XYLT1: variants seen among roughly 807,000 people sequenced by gnomAD.
XYLT1 encodes the protein beta-D-xylosyltransferase 1.
In XYLT1, 36 loss-of-function variants were observed where a neutral mutation model predicts 91.3. The observed-to-expected ratio is 0.39, with a 90% CI of 0.30 to 0.52. XYLT1 has a LOEUF of 0.52. Among genes scored for constraint, XYLT1 ranks in the 20% least tolerant of loss-of-function variants. The pLI, the probability that XYLT1 is intolerant of heterozygous loss-of-function variation, is 0.68. For synonymous variants in XYLT1, 588 were observed against 532.0 expected (o/e 1.11, Z -1.45); for missense variants, 1,242 against 1,284.5 (o/e 0.97, Z 0.51).
At chr16:17,169,701 C>A (rs956448390) in intron 5 of XYLT1, among the ~76,000 whole-genome samples, 1 of 152,090 alleles carries the variant, frequency 6.6e-6, no homozygotes, top group East Asian at 1.9e-4. Context: ...TGTGTGTGCA[C>A]ATATGTATAT....
chr16:17,278,943 A>C (rs796864831), intron 2 of XYLT1, among the ~76,000 whole-genome samples: 7 of 152,220 alleles, frequency 4.6e-5, no homozygotes, highest in African/African-American at 1.7e-4. Flanking sequence ...GACTGTGAAC[A>C]TTTCCTTCCT....
At chr16:17,207,094 G>A (rs1428924844) in intron 3 of XYLT1, among the ~76,000 whole-genome samples, 1 of 104,710 alleles carries the variant, frequency 9.6e-6, no homozygotes, top group Admixed American at 1.4e-4. Context: ...TTTCACTCTT[G>A]TCACCTAGGC....
intron 2 of XYLT1, among the ~76,000 whole-genome samples, chr16:17,279,975 CCT>C (rs1346998032): frequency 6.6e-6 from 1 of 152,166 alleles, no homozygotes; most frequent in Non-Finnish European, 1.5e-5. Flanking sequence ...TCTTTCTGTC[CCT>C]CTGTTTGTCC....
At chr16:17,170,122 G>T (rs1484932254) in intron 5 of XYLT1, among the ~76,000 whole-genome samples, 1 of 152,168 alleles carries the variant, frequency 6.6e-6, no homozygotes, top group African/African-American at 2.4e-5. Context: ...TTGTGGGTAT[G>T]GTACATGCAG....
chr16:17,112,770 G>A (rs11647237), intron 11 of XYLT1, among the ~76,000 whole-genome samples: 40,288 of 152,058 alleles, frequency 0.26, 5,957 homozygotes, highest in African/African-American at 0.35. Context: ...TGAGGTCTCT[G>A]TCTTTCTGCT....
At chr16:17,272,153 G>GTT (rs35561235) in intron 2 of XYLT1, among the ~76,000 whole-genome samples, 62 of 80,318 alleles carry the variant, frequency 7.7e-4, no homozygotes, top group African/African-American at 9.7e-4. Flanking sequence ...TTTGTTGTTG[G>GTT]TTTTTTTTTT....
At chr16:17,182,660 G>C (rs1250656108) in intron 5 of XYLT1, among the ~76,000 whole-genome samples, 1 of 131,290 alleles carries the variant, frequency 7.6e-6, no homozygotes, top group South Asian at 2.7e-4. Flanking sequence ...AGTTTGCTTT[G>C]ATTTTGCTTT....
At chr16:17,245,584 G>A (rs533695538) in intron 3 of XYLT1, among the ~76,000 whole-genome samples, 114 of 152,220 alleles carry the variant, frequency 7.5e-4, no homozygotes, top group African/African-American at 2.5e-3. Flanking sequence ...TTACCAGAGG[G>A]TTCTATACAC....
At chr16:17,310,175 T>C (rs2034525557) in intron 2 of XYLT1, among the ~76,000 whole-genome samples, 1 of 152,200 alleles carries the variant, frequency 6.6e-6, no homozygotes, top group African/African-American at 2.4e-5. Context: ...TTCACTTCCC[T>C]CCAGCCCTAC....
At chr16:17,246,457 G>C (rs545927921) in intron 3 of XYLT1, among the ~76,000 whole-genome samples, 137 of 152,138 alleles carry the variant, frequency 9.0e-4, no homozygotes, top group Non-Finnish European at 1.3e-3. Flanking sequence ...AACACATCTG[G>C]TTCCACATTT....
intron 1 of XYLT1, among the ~76,000 whole-genome samples, chr16:17,447,875 AC>A (rs1445035484): frequency 1.3e-5 from 2 of 152,156 alleles, no homozygotes; most frequent in African/African-American, 2.4e-5. Context: ...CATTTAAAAA[AC>A]ACCCAGTACC....
chr16:17,148,901 A>G lies in XYLT1; in HGVS notation c.1371-7532T>C, dbSNP rs191717245. 5.8e-3 allele frequency among the ~76,000 whole-genome samples: 885 copies of G among 152,344 alleles called. 8 individuals are homozygous for G. The highest frequency in any genetic ancestry group is 0.019 in the African/African-American group (801 of 41,580). On this transcript the variant is annotated intron_variant, in intron 6 of 11. Transcript: ENST00000261381. ...AATCTTTCTGCCAGACCTCTGGAAG[A>G]TATCTGTCTTCTACCTGAGGTCAAA...
chr16:17,415,024 A>G (rs1173349200), intron 1 of XYLT1, among the ~76,000 whole-genome samples: 9 of 152,120 alleles, frequency 5.9e-5, no homozygotes, highest in African/African-American at 2.2e-4. Context: ...TGTCTGACAC[A>G]CAGCACCCAC....
chr16:17,144,618 T>G (rs1438914452), intron 6 of XYLT1, among the ~76,000 whole-genome samples: 1 of 152,098 alleles, frequency 6.6e-6, no homozygotes, highest in Non-Finnish European at 1.5e-5. Context: ...AGCAGACCAG[T>G]TTGGCTTAAT....
intron 2 of XYLT1, among the ~76,000 whole-genome samples, chr16:17,304,902 T>C (rs2034449329): frequency 6.6e-6 from 1 of 152,214 alleles, no homozygotes; most frequent in Non-Finnish European, 1.5e-5. Flanking sequence ...CTATGACATT[T>C]CAATGCTAAG....
intron 8 of XYLT1, among the ~76,000 whole-genome samples, chr16:17,136,481 G>T (rs1474976770): frequency 1.3e-5 from 2 of 152,134 alleles, no homozygotes; most frequent in Admixed American, 6.5e-5. Flanking sequence ...TTTGGCTACC[G>T]TCTAGCTGTG....
chr16:17,362,217 G>A (rs2035393552), intron 1 of XYLT1, among the ~76,000 whole-genome samples: 1 of 151,922 alleles, frequency 6.6e-6, no homozygotes, highest in Non-Finnish European at 1.5e-5. Flanking sequence ...CAAATAAGCA[G>A]TACCACCTTA....
intron 2 of XYLT1, among the ~76,000 whole-genome samples, chr16:17,309,765 A>G (rs2034517048): frequency 6.6e-6 from 1 of 152,256 alleles, no homozygotes; most frequent in Admixed American, 6.5e-5. Context: ...TTATTTTGCG[A>G]ATGAGCCATT....
intron 2 of XYLT1, among the ~76,000 whole-genome samples, chr16:17,306,254 C>T (rs1025766221): frequency 1.7e-4 from 26 of 151,990 alleles, no homozygotes; most frequent in Admixed American, 6.5e-4. Flanking sequence ...AGAATAGGAG[C>T]GAGAACATTG....
Sources: allele counts gnomAD v4.1 joint callset (sites outside exome capture counted in the v4.1 genomes callset), GRCh38; gene constraint gnomAD v4.1.1; transcripts MANE v1.5; gene names NCBI Gene and HGNC (gene_info 2026-07-23, HGNC 2026-07-21).